Variants in CFH observed in about 807,000 individuals in gnomAD.
CFH encodes the protein H factor 1 (complement).
A neutral mutation model predicts 147.3 loss-of-function variants in CFH; 53 were observed. That is an observed-to-expected ratio of 0.36 (90% CI 0.29 to 0.45). CFH has a LOEUF of 0.45. Ranked by LOEUF, CFH falls within the 20% of genes least tolerant of loss-of-function variation. The pLI, the probability that CFH is intolerant of heterozygous loss-of-function variation, is 1.00. For missense variants in CFH, 1,380 were observed against 1,498.0 expected (o/e 0.92, Z 1.30); for synonymous variants, 536 against 489.4 (o/e 1.10, Z -1.26).
intron 20 of CFH, among the ~76,000 whole-genome samples, chr1:196,745,496 C>T (rs897709947): frequency 6.6e-6 from 1 of 151,916 alleles, no homozygotes; most frequent in African/African-American, 2.4e-5. Flanking sequence ...TGGGATTTTT[C>T]GAATATGAAA....
At chr1:196,696,690 T>G (rs1668284990) in intron 9 of CFH, among the ~76,000 whole-genome samples, 1 of 152,198 alleles carries the variant, frequency 6.6e-6, no homozygotes, top group South Asian at 2.1e-4. Context: ...AGAGCCCGCA[T>G]TGCCAAGTCA....
chr1:196,714,611 G>GTGTGTGTA (rs1422339902), intron 10 of CFH, among the ~76,000 whole-genome samples: 8 of 136,040 alleles, frequency 5.9e-5, no homozygotes, highest in African/African-American at 2.2e-4. Context: ...GTGTGTGTGT[G>GTGTGTGTA]TGTGTGTGTG....
At position 196,689,481 on chromosome 1, in the gene CFH, A is replaced by G. The variant is rs770549763; in HGVS notation, c.1026A>G (p.Arg342=). The G allele has an allele frequency of 4.2e-5, 68 of 1,613,452 alleles. No homozygotes were observed. Among genetic ancestry groups the G allele is most frequent in the Non-Finnish European group, 2.0e-5 (24 of 1,179,660 alleles). Residue 342 remains arginine (R), a synonymous_variant, in exon 8 of 22, where the codon AGA becomes AGG. Coordinates refer to ENST00000367429, the MANE Select transcript of CFH (RefSeq NM_000186.4). ...HGGLYHENMR[R]PYFPVAVGKY... ...GTCTATATCATGAGAATATGCGTAG[A>G]CCATACTTTCCAGTAGCTGTAGGAA...
intron 9 of CFH, among the ~76,000 whole-genome samples, chr1:196,710,779 GT>G (rs34845806): frequency 6.6e-6 from 1 of 151,404 alleles, no homozygotes; most frequent in Non-Finnish European, 1.5e-5. Flanking sequence ...TCTTACCCTA[GT>G]TTTTTTTATT....
intron 9 of CFH, among the ~76,000 whole-genome samples, chr1:196,695,909 C>A (rs1668247950): frequency 6.6e-6 from 1 of 152,028 alleles, no homozygotes; most frequent in African/African-American, 2.4e-5. Flanking sequence ...TGGGTTGAGA[C>A]AGTGGGGTTT....
chr1:196,686,858 T>G (rs1225361536), intron 7 of CFH, among the ~76,000 whole-genome samples: 2 of 152,142 alleles, frequency 1.3e-5, no homozygotes, highest in East Asian at 3.9e-4. Context: ...AGTTATATGG[T>G]TTATCAGTTT....
chr1:196,673,155 A>G lies in CFH; in HGVS notation c.236A>G (p.Lys79Arg), dbSNP rs1247978300. 1.9e-6 allele frequency: 3 copies of G among 1,612,526 alleles called. No individual in the cohort carries two copies. In the African/African-American group the frequency reaches 4.0e-5, roughly 22 times the overall value. Residue 79 changes from lysine to arginine, a missense_variant, in exon 2 of 22, where the codon AAA (lysine) becomes AGA (arginine). Lys to Arg is a conservative substitution (Grantham distance 26). Transcript: ENST00000367429. ...GEWVALNPLRKCQKRPCGHPG... is the reference protein window; with the variant it reads ...GEWVALNPLRRCQKRPCGHPG... Reference sequence around the variant, plus strand: ...TGGGTTGCTCTTAATCCATTAAGGAAATGTCAGAGTAAGTACTTAATACAT... The same window carrying G: ...TGGGTTGCTCTTAATCCATTAAGGAGATGTCAGAGTAAGTACTTAATACAT...
chr1:196,695,395 T>G (rs58095333), intron 9 of CFH, among the ~76,000 whole-genome samples: 2 of 152,316 alleles, frequency 1.3e-5, no homozygotes, highest in Non-Finnish European at 2.9e-5. Flanking sequence ...TACCATGTTG[T>G]TTTGGTTACT....
chr1:196,719,319 T>C (rs1668943983), intron 11 of CFH, among the ~76,000 whole-genome samples: 1 of 151,954 alleles, frequency 6.6e-6, no homozygotes, highest in South Asian at 2.1e-4. Context: ...ACAGAATTTA[T>C]ATAAAATTAG....
At position 196,697,136 on chromosome 1, in the gene CFH, C is replaced by G. The variant is rs12566629; in HGVS notation, c.1336+6897C>G. ...TAAAATACCAAAAGCAATGGCAACA[C>G]AAGCCAAAACTGACAAATGGGATCT... On this transcript the variant is annotated intron_variant, in intron 9 of 21. Coordinates refer to ENST00000367429, the MANE Select transcript of CFH (RefSeq NM_000186.4). 1.1e-3 allele frequency among the ~76,000 whole-genome samples: 169 copies of G among 152,208 alleles called. 3 individuals are homozygous for G. The East Asian group carries it at 0.024, about 22-fold the overall frequency.
chr1:196,673,004 A>C lies in CFH; in HGVS notation c.85A>C (p.Asn29His). Reference protein sequence around the residue: ...EDCNELPPRRNTEILTGSWSD... With the variant: ...EDCNELPPRRHTEILTGSWSD... The stretch of plus-strand genomic sequence containing the variant: ...TTGCAATGAACTTCCTCCAAGAAGA[A>C]ATACAGAAATTCTGACAGGTTCCTG... Residue 29 changes from asparagine (N) to histidine (H), a missense_variant, in exon 2 of 22, where the codon AAT becomes CAT. By Grantham distance (68) the Asn-to-His change is moderately conservative (BLOSUM62 1). Coordinates refer to ENST00000367429, the MANE Select transcript of CFH (RefSeq NM_000186.4). 1.2e-6 allele frequency: 2 copies of C among 1,614,022 alleles called. No homozygotes were observed.
At position 196,745,833 on chromosome 1, in the gene CFH, T is replaced by C. The variant is rs778733746; in HGVS notation, c.3327T>C (p.Cys1109=). 1.2e-6 allele frequency: 2 copies of C among 1,614,126 alleles called. No homozygotes were observed. The highest frequency in any genetic ancestry group is 1.7e-6 in the Non-Finnish European group (2 of 1,180,004). Residue 1109 remains cysteine, a synonymous_variant, in exon 21 of 22, where the codon TGT becomes TGC. Transcript: ENST00000367429. The stretch of plus-strand genomic sequence containing the variant: ...GTTTTTTAGATTCTACAGGAAAATG[T>C]GGGCCCCCTCCACCTATTGACAATG... ...PPQCKDSTGK[C]GPPPPIDNGD...
intron 3 of CFH, among the ~76,000 whole-genome samples, chr1:196,674,695 A>G (rs1325630775): frequency 6.6e-6 from 1 of 152,160 alleles, no homozygotes; most frequent in Non-Finnish European, 1.5e-5. Context: ...TTATTTCCCC[A>G]TTTTTTCCTT....
In CFH at chr1:196,715,718, G is replaced by T; in HGVS notation, c.1645G>T (p.Gly549Cys). The T allele has an allele frequency of 6.2e-7, 1 of 1,612,818 alleles. No homozygotes were observed. The highest frequency in any genetic ancestry group is 8.5e-7 in the Non-Finnish European group (1 of 1,179,208). Residue 549 changes from glycine to cysteine, a missense_variant, in exon 11 of 22, where the codon GGT becomes TGT. Gly to Cys is a radical substitution (Grantham distance 159). Transcript: ENST00000367429. ...TGAAAGCAATACTGGAAGCACCACT[G>T]GTTCCATAGTGTGTGGTTACAATGG... ...GYESNTGSTT[G>C]SIVCGYNGWS...
intron 17 of CFH, among the ~76,000 whole-genome samples, chr1:196,740,304 C>T (rs1652767416): frequency 6.6e-6 from 1 of 152,164 alleles, no homozygotes; most frequent in Non-Finnish European, 1.5e-5. Context: ...TTATGTTTTA[C>T]CTGGAATCGT....
At chr1:196,664,382 T>G (rs1311972368) in intron 1 of CFH, among the ~76,000 whole-genome samples, 1 of 152,128 alleles carries the variant, frequency 6.6e-6, no homozygotes, top group East Asian at 1.9e-4. Context: ...ATTGTGAAGG[T>G]GTCCTAAGTG....
chr1:196,656,675 A>G (rs1572993403), intron 1 of CFH, among the ~76,000 whole-genome samples: 1 of 142,166 alleles, frequency 7.0e-6, no homozygotes, highest in Admixed American at 7.0e-5. Context: ...ACTTGGTACA[A>G]TGTGTGTTGC....
At chr1:196,671,233 T>C (rs567641467) in intron 1 of CFH, among the ~76,000 whole-genome samples, 1 of 152,280 alleles carries the variant, frequency 6.6e-6, no homozygotes, top group East Asian at 1.9e-4. Flanking sequence ...CTAAAATAGC[T>C]GTTATAAAGA....
In CFH at chr1:196,742,029, G is replaced by T. The variant is rs1442793256; in HGVS notation, c.3111G>T (p.Trp1037Cys). ...ATGTAACATGCATTAATAGCAGATG[G>T]ACAGGAAGGCCAACATGCAGAGGTA... ...ASNVTCINSR[W>C]TGRPTCRDTS... Residue 1037 changes from tryptophan (W) to cysteine (C), a missense_variant, in exon 19 of 22, where the codon TGG (tryptophan) becomes TGT (cysteine). Physicochemically the swap from Trp to Cys is radical, Grantham distance 215. Transcript: ENST00000367429. 2.5e-6 allele frequency: 4 copies of T among 1,614,124 alleles called. No homozygotes were observed. Among genetic ancestry groups the T allele is most frequent in the Non-Finnish European group, 2.5e-6 (3 of 1,180,014 alleles).
Sources: allele counts gnomAD v4.1 joint callset (sites outside exome capture counted in the v4.1 genomes callset), GRCh38; gene constraint gnomAD v4.1.1; transcripts MANE v1.5; gene names NCBI Gene and HGNC (gene_info 2026-07-23, HGNC 2026-07-21).